Variants in PALS1 observed in about 807,000 individuals in gnomAD.
PALS1 encodes the protein protein associated with LIN7 1, MAGUK p55 family member, also known as protein PALS1.
In PALS1, 31 loss-of-function variants were observed where a neutral mutation model predicts 78.9. The observed-to-expected ratio is 0.39, with a 90% confidence interval of 0.30 to 0.53. PALS1 has a LOEUF of 0.53. Among genes scored for constraint, PALS1 ranks in the 20% least tolerant of loss-of-function variants. The pLI is 0.67. For missense variants in PALS1, 704 were observed against 826.5 expected (o/e 0.85, Z 1.82); for synonymous variants, 276 against 270.9 (o/e 1.02, Z -0.18).
chr14:67,244,690 T>C (rs1182065805), intron 1 of PALS1, among the ~76,000 whole-genome samples: 2 of 152,230 alleles, frequency 1.3e-5, no homozygotes, highest in Non-Finnish European at 2.9e-5. Flanking sequence ...TGTGTAAACC[T>C]AAGTTTTTGT....
intron 8 of PALS1, among the ~76,000 whole-genome samples, chr14:67,305,927 A>G (rs1367303230): frequency 1.3e-5 from 2 of 152,160 alleles, no homozygotes; most frequent in Admixed American, 1.3e-4. Flanking sequence ...AAAAGGAAGA[A>G]AGTGGGAGAA....
In PALS1 at chr14:67,320,232, T is replaced by G. The variant is rs139801958; in HGVS notation, c.1372T>G (p.Tyr458Asp). The G allele has an allele frequency of 2.5e-6, 4 of 1,605,342 alleles. No homozygotes were observed. The African/African-American group carries it at 5.4e-5, about 22-fold the overall frequency. Residue 458 changes from tyrosine (Y) to aspartate (D), a missense_variant and splice_region_variant, in exon 12 of 15, where the codon TAT (tyrosine) becomes GAT (aspartate). Coordinates refer to ENST00000261681, the MANE Select transcript of PALS1 (RefSeq NM_022474.4). Reference protein sequence around the residue: ...VLYNANKNDDYDNEEILTYEE... With the variant: ...VLYNANKNDDDDNEEILTYEE... Reference sequence around the variant, plus strand: ...AGCTTAACTTTTTTTTCCCAAAGATTATGACAACGAGGAGATCTTAACCTA... The same window carrying G: ...AGCTTAACTTTTTTTTCCCAAAGATGATGACAACGAGGAGATCTTAACCTA...
At chr14:67,267,045 T>G (rs1421201729) in intron 1 of PALS1, among the ~76,000 whole-genome samples, 1 of 151,686 alleles carries the variant, frequency 6.6e-6, no homozygotes, top group Non-Finnish European at 1.5e-5. Context: ...GAGGCAGAGG[T>G]TCCAGTGAGC....
Position 67,279,233 on chromosome 14 carries a change from T to C in PALS1, c.63T>C (p.Val21=), listed in dbSNP as rs1352235657. 5 of 1,612,854 alleles carry C rather than the reference T, an allele frequency of 3.1e-6. No homozygotes were observed. In the East Asian group the frequency reaches 1.1e-4, roughly 36 times the overall value. Reference sequence around the variant, plus strand: ...AATCAGACAGCGAAGTAAAAAATGTTGATCTTGCATCACCAGAGGAACATC... The same window carrying C: ...AATCAGACAGCGAAGTAAAAAATGTCGATCTTGCATCACCAGAGGAACATC... ...TEESDSEVKN[V]DLASPEEHQK... is the part of the protein sequence containing the mutation. Residue 21 remains valine, a synonymous_variant, in exon 3 of 15, where the codon GTT becomes GTC. Coordinates refer to ENST00000261681, the MANE Select transcript of PALS1 (RefSeq NM_022474.4).
chr14:67,246,171 G>GTC (rs2083985251), intron 1 of PALS1, among the ~76,000 whole-genome samples: 1 of 151,876 alleles, frequency 6.6e-6, no homozygotes, highest in Admixed American at 6.6e-5. Flanking sequence ...TAGAGACAGG[G>GTC]TCTCTCTCTG....
At chr14:67,296,847 A>C (rs1475244507) in intron 4 of PALS1, among the ~76,000 whole-genome samples, 3 of 151,988 alleles carry the variant, frequency 2.0e-5, no homozygotes, top group Non-Finnish European at 4.4e-5. Context: ...CAGTCCTCCC[A>C]CCTCAGCCTC....
chr14:67,307,892 G>A (rs886486278), intron 8 of PALS1, among the ~76,000 whole-genome samples: 3 of 152,024 alleles, frequency 2.0e-5, no homozygotes, highest in Admixed American at 6.6e-5. Context: ...CATGGAATAC[G>A]AATGCAGCCA....
chr14:67,294,804 C>G (rs763173292), intron 4 of PALS1: 6 of 152,200 alleles, frequency 3.9e-5, no homozygotes, highest in Non-Finnish European at 5.9e-5. Flanking sequence ...TTCGGAGTAG[C>G]TGGGGCTACA....
At chr14:67,310,439 T>A (rs947279361) in intron 8 of PALS1, among the ~76,000 whole-genome samples, 3 of 152,186 alleles carry the variant, frequency 2.0e-5, no homozygotes, top group Admixed American at 6.6e-5. Flanking sequence ...CAGGATGATG[T>A]TTATCCTTGG....
rs2084976709 is a variant in PALS1 at position 67,304,771 on chromosome 14, G to A, written c.1041+1172G>A. On this transcript the variant is annotated intron_variant, in intron 8 of 14. Coordinates refer to ENST00000261681, the MANE Select transcript of PALS1 (RefSeq NM_022474.4). ...TAAAACCATCCAATTGTGTACATGA[G>A]TGAATTGTATATGAATTATATATCA... Among the ~76,000 whole-genome samples the A allele has an allele frequency of 2.6e-5, 4 of 152,060 alleles. No individual in the cohort carries two copies. In the South Asian group the frequency reaches 8.3e-4, roughly 32 times the overall value.
intron 13 of PALS1, 145 bp downstream of exon 13, chr14:67,321,404 C>A: frequency 2.7e-6 from 2 of 732,966 alleles, no homozygotes. Context: ...TATCTGAAAT[C>A]ACACAGGTTG....
intron 8 of PALS1, among the ~76,000 whole-genome samples, chr14:67,307,464 ATTGT>A (rs776106840): frequency 3.9e-5 from 6 of 152,218 alleles, no homozygotes; most frequent in Admixed American, 1.3e-4. Context: ...CAGATTATTG[ATTGT>A]TTAATACATA....
At chr14:67,256,557 T>C (rs960307548) in intron 1 of PALS1, among the ~76,000 whole-genome samples, 1 of 152,230 alleles carries the variant, frequency 6.6e-6, no homozygotes, top group Non-Finnish European at 1.5e-5. Context: ...TTTTTTCTTT[T>C]TGTTTTTTGA....
intron 1 of PALS1, among the ~76,000 whole-genome samples, chr14:67,257,502 T>G (rs2084162964): frequency 6.6e-6 from 1 of 152,122 alleles, no homozygotes; most frequent in Non-Finnish European, 1.5e-5. Flanking sequence ...GTATTAGTGA[T>G]TTAAATAAAA....
intron 13 of PALS1, among the ~76,000 whole-genome samples, chr14:67,321,686 T>G (rs1384292210): frequency 6.6e-6 from 1 of 152,210 alleles, no homozygotes; most frequent in African/African-American, 2.4e-5. Flanking sequence ...TGCTCCTGTA[T>G]TTTGACTATG....
At chr14:67,279,769 T>C (rs897262343) in intron 3 of PALS1, 3 of 403,604 alleles carry the variant, frequency 7.4e-6, no homozygotes, top group African/African-American at 6.2e-5. Context: ...TTTTTTTAGA[T>C]ATTAAAGAGT....
rs763624940 is a variant in PALS1, at chr14:67,279,183, C to A, written c.13C>A (p.His5Asn). The A allele has an allele frequency of 2.5e-6, 4 of 1,593,518 alleles. No homozygotes were observed. The Admixed American group carries it at 7.3e-5, about 29-fold the overall frequency. The change falls in exon 3 of 15, where the codon CAT (histidine) becomes AAT (asparagine). Residue 5 changes from histidine (H) to asparagine (N), a missense_variant. Coordinates refer to ENST00000261681, the MANE Select transcript of PALS1 (RefSeq NM_022474.4). ...TTCATAGATAACCATGACAACATCCCATATGAATGGGCATGTTACAGAGGA... is the reference window on the plus strand; with the variant it reads ...TTCATAGATAACCATGACAACATCCAATATGAATGGGCATGTTACAGAGGA... MTTS[H>N]MNGHVTEESD...
At chr14:67,324,733 C>T (rs1442772464) in intron 14 of PALS1, among the ~76,000 whole-genome samples, 1 of 151,910 alleles carries the variant, frequency 6.6e-6, no homozygotes, top group Non-Finnish European at 1.5e-5. Context: ...TATAGCCATG[C>T]ACCACCATGC....
At chr14:67,278,970 T>C (rs1307924205) in intron 2 of PALS1, 48 bp from the exon 3 acceptor site, 13 of 473,980 alleles carry the variant, frequency 2.7e-5, no homozygotes, top group Non-Finnish European at 4.7e-5. Flanking sequence ...AAAACCTGCT[T>C]TTATATTGTA....
Sources: gnomAD v4.1 joint callset for allele counts (sites outside exome capture counted in the v4.1 genomes callset) on GRCh38, gnomAD v4.1.1 for gene constraint, MANE v1.5 for transcripts, NCBI Gene and HGNC (gene_info 2026-07-23, HGNC 2026-07-21) for gene names.